The following GREM2 variants were observed in gnomAD, a reference collection of about 807,000 sequenced individuals.
GREM2 encodes gremlin 2, DAN family BMP antagonist.
Under a neutral mutation model 14.2 loss-of-function variants are expected in GREM2, and 11 were observed. The ratio of observed to expected loss-of-function variants is 0.78; its 90% CI spans 0.49 to 1.28. GREM2 has a LOEUF of 1.28. Among genes scored for constraint, GREM2 ranks in the 50% most tolerant of loss-of-function variants. GREM2 has a pLI of 0.00. For synonymous variants in GREM2, 98 were observed against 97.6 expected (o/e 1.00, Z -0.02); for missense variants, 210 against 218.5 (o/e 0.96, Z 0.24).
At chr1:240,564,634 G>A (rs937644437) in intron 1 of GREM2, among the ~76,000 whole-genome samples, 9 of 152,080 alleles carry the variant, frequency 5.9e-5, no homozygotes, top group Non-Finnish European at 1.3e-4. Context: ...TCATAGGTGG[G>A]GTTAGGAGAA....
At chr1:240,494,029 C>T (rs977234547) in intron 1 of GREM2, among the ~76,000 whole-genome samples, 2 of 152,248 alleles carry the variant, frequency 1.3e-5, no homozygotes, top group Non-Finnish European at 2.9e-5. Flanking sequence ...AGAAAACACG[C>T]GTGTTGAACA....
At chr1:240,528,904 T>C (rs1398856876) in intron 1 of GREM2, among the ~76,000 whole-genome samples, 1 of 152,152 alleles carries the variant, frequency 6.6e-6, no homozygotes, top group African/African-American at 2.4e-5. Flanking sequence ...TCCATCTCTG[T>C]CTCCTACATC....
At chr1:240,541,482 C>T (rs60148998) in intron 1 of GREM2, among the ~76,000 whole-genome samples, 1 of 152,226 alleles carries the variant, frequency 6.6e-6, no homozygotes, top group Admixed American at 6.5e-5. Flanking sequence ...GTTACATTTT[C>T]TCCTGTACTT....
rs1677258215 is a variant in GREM2 at position 240,491,803 on chromosome 1, A to G, written c.*1166T>C. ...ATACGGTTTCACCCCACATATGCAT[A>G]TTCCACATTATAGGGGCTTTCTAGT... On this transcript the variant is annotated 3_prime_UTR_variant, in exon 2 of 2. Transcript: ENST00000318160. 1 of 152,730 alleles carries G rather than the reference A, an allele frequency of 6.5e-6. No homozygotes were observed. Among genetic ancestry groups the G allele is most frequent in the Non-Finnish European group, 1.5e-5 (1 of 68,130 alleles). 9.5% of individuals were successfully genotyped at this position (152,730 alleles called of 1,614,324 possible).
intron 1 of GREM2, among the ~76,000 whole-genome samples, chr1:240,498,220 T>C (rs144823283): frequency 6.6e-6 from 1 of 152,282 alleles, no homozygotes; most frequent in East Asian, 1.9e-4. Flanking sequence ...CTGGCAATCA[T>C]CCTTAGAAGT....
At chr1:240,602,403 G>T (rs1451175862) in intron 1 of GREM2, among the ~76,000 whole-genome samples, 1 of 152,028 alleles carries the variant, frequency 6.6e-6, no homozygotes, top group Middle Eastern at 3.2e-3. Flanking sequence ...CATTGGTTCT[G>T]TAACAATAGT....
chr1:240,610,197 A>G (rs1680106330), intron 1 of GREM2, among the ~76,000 whole-genome samples: 1 of 152,224 alleles, frequency 6.6e-6, no homozygotes, highest in African/African-American at 2.4e-5. Context: ...GCTCACAATC[A>G]TACAAAACAA....
rs557696321 is a variant in GREM2 at position 240,536,452 on chromosome 1, A to G, written c.-1-42976T>C. Among the ~76,000 whole-genome samples the G allele has an allele frequency of 1.6e-4, 25 of 152,340 alleles. No homozygotes were observed. The East Asian group carries it at 4.4e-3, about 27-fold the overall frequency. On this transcript the variant is annotated intron_variant, in intron 1 of 1. Transcript: ENST00000318160. The stretch of plus-strand genomic sequence containing the variant: ...AGGGATGGAAGGGTAAATTGGTATG[A>G]AGAGGGATAAGCAGTTGCTATTCAT...
At chr1:240,598,146 A>G (rs961003663) in intron 1 of GREM2, among the ~76,000 whole-genome samples, 4 of 152,214 alleles carry the variant, frequency 2.6e-5, no homozygotes, top group Non-Finnish European at 4.4e-5. Context: ...AAGAAACAAC[A>G]GGAATATTTA....
At chr1:240,600,749 G>T (rs999832951) in intron 1 of GREM2, among the ~76,000 whole-genome samples, 3 of 152,144 alleles carry the variant, frequency 2.0e-5, no homozygotes, top group Non-Finnish European at 4.4e-5. Context: ...CTCCCAAAAT[G>T]CTGGGATTAC....
intron 1 of GREM2, chr1:240,531,674 C>A: frequency 3.0e-6 from 3 of 984,736 alleles, no homozygotes; most frequent in Non-Finnish European, 3.6e-6. Context: ...GGACTCAGCT[C>A]TGAGTGCTCT....
chr1:240,498,586 T>A (rs963509902), intron 1 of GREM2, among the ~76,000 whole-genome samples: 2 of 152,206 alleles, frequency 1.3e-5, no homozygotes, highest in African/African-American at 2.4e-5. Flanking sequence ...ACGTCCGTTC[T>A]CTTGCTTGCC....
intron 1 of GREM2, among the ~76,000 whole-genome samples, chr1:240,524,656 A>AT (rs1217244377): frequency 4.6e-5 from 7 of 152,310 alleles, no homozygotes; most frequent in Non-Finnish European, 7.4e-5. Context: ...TAGAAGAATG[A>AT]TTTTTTAAGA....
intron 1 of GREM2, among the ~76,000 whole-genome samples, chr1:240,502,060 T>G (rs1677581064): frequency 6.6e-6 from 1 of 152,084 alleles, no homozygotes; most frequent in Non-Finnish European, 1.5e-5. Flanking sequence ...AGACCCCCTC[T>G]TCGACCTTCC....
chr1:240,565,011 T>A (rs1240218733), intron 1 of GREM2, among the ~76,000 whole-genome samples: 1 of 152,234 alleles, frequency 6.6e-6, no homozygotes, highest in Admixed American at 6.5e-5. Context: ...ATTTGAAATT[T>A]GGTATTGTGT....
intron 1 of GREM2, among the ~76,000 whole-genome samples, chr1:240,523,732 G>T (rs1233717356): frequency 3.3e-5 from 5 of 151,950 alleles, no homozygotes; most frequent in Admixed American, 3.3e-4. Context: ...TTACACATGG[G>T]TTACTTAAAT....
At chr1:240,563,148 AG>A (rs1679103687) in intron 1 of GREM2, among the ~76,000 whole-genome samples, 1 of 121,696 alleles carries the variant, frequency 8.2e-6, no homozygotes, top group African/African-American at 3.8e-5. Context: ...TGTGTGTGTG[AG>A]TGTGTATGTG....
intron 1 of GREM2, chr1:240,531,651 T>C: frequency 2.0e-6 from 2 of 985,432 alleles, no homozygotes; most frequent in Non-Finnish European, 2.4e-6. Context: ...GGCGTCTGCC[T>C]GCTCCCTGAC....
At chr1:240,576,040 C>T (rs1036354235) in intron 1 of GREM2, among the ~76,000 whole-genome samples, 2 of 151,990 alleles carry the variant, frequency 1.3e-5, no homozygotes, top group African/African-American at 2.4e-5. Context: ...AATTGCTATG[C>T]GTCCTGTGAA....
Sources: allele counts gnomAD v4.1 joint callset (sites outside exome capture counted in the v4.1 genomes callset), GRCh38; gene constraint gnomAD v4.1.1; transcripts MANE v1.5; gene names NCBI Gene and HGNC (gene_info 2026-07-23, HGNC 2026-07-21).